PHKA1: variants seen among roughly 807,000 people sequenced by gnomAD.
The protein encoded by PHKA1 is phosphorylase b kinase regulatory subunit alpha, skeletal muscle isoform.
In PHKA1, 60 loss-of-function variants were observed where a neutral mutation model predicts 110.2. That is an observed-to-expected ratio of 0.54 (90% CI 0.44 to 0.68). PHKA1 has a LOEUF of 0.68. Among genes scored for constraint, PHKA1 ranks in the 30% least tolerant of loss-of-function variants. The probability of loss-of-function intolerance (pLI) is 0.00; values close to 1 mark genes in which losing one functional copy is unlikely to be tolerated. For synonymous variants in PHKA1, 316 were observed against 333.6 expected, an observed-to-expected ratio of 0.95 and a Z score of 0.58; for missense variants, 801 against 942.5, an observed-to-expected ratio of 0.85 and a Z score of 1.97.
chrX:72,667,627 A>C (rs1199782168), intron 6 of PHKA1, among the ~76,000 whole-genome samples, 154 bp from the exon 7 acceptor site: 3 of 112,198 alleles, frequency 2.7e-5, no homozygotes, highest in African/African-American at 6.5e-5. Flanking sequence ...TTCCCAGGGC[A>C]TTCTGAGTTT....
intron 23 of PHKA1, among the ~76,000 whole-genome samples, chrX:72,607,065 G>A (rs1285110301): frequency 4.5e-5 from 5 of 110,782 alleles, no homozygotes; most frequent in Non-Finnish European, 1.9e-5. Context: ...CATTTTTTTT[G>A]TGTCTGAATA....
chrX:72,630,610 G>A (rs1556286770), intron 16 of PHKA1, among the ~76,000 whole-genome samples: 1 of 109,500 alleles, frequency 9.1e-6, no homozygotes, highest in Non-Finnish European at 1.9e-5. Context: ...AAAATGTTGT[G>A]TCACTTCCCT....
intron 16 of PHKA1, among the ~76,000 whole-genome samples, chrX:72,633,751 C>T (rs1258344552): frequency 6.3e-5 from 7 of 111,887 alleles, no homozygotes; most frequent in Admixed American, 1.9e-4. Flanking sequence ...TCATATTACT[C>T]CTTGCTCAAA....
Position 72,676,110 on chromosome X carries a change from C to G in PHKA1, c.578G>C (p.Gly193Ala). 8.3e-7 allele frequency: 1 copy of G among 1,210,161 alleles called. No homozygotes were observed. The highest frequency in any genetic ancestry group is 1.1e-6 in the Non-Finnish European group (1 of 894,514). The stretch of plus-strand genomic sequence containing the variant: ...TGAACTGGCATTCAACTCTGAGATC[C>G]CTTGGTTGGTCTTGTCTCCACGTTC... ...IWERGDKTNQ[G>A]ISELNASSVG... The change falls in exon 6 of 32, where the codon GGG becomes GCG. Residue 193 changes from glycine to alanine, a missense_variant. By Grantham distance (60) the Gly-to-Ala change is moderately conservative (BLOSUM62 0). Coordinates refer to ENST00000373542, the MANE Select transcript of PHKA1 (RefSeq NM_002637.4).
intron 4 of PHKA1, among the ~76,000 whole-genome samples, chrX:72,695,254 AG>A (rs1366516828): frequency 8.9e-6 from 1 of 111,913 alleles, no homozygotes; most frequent in Non-Finnish European, 1.9e-5. Context: ...CCCCCAATTT[AG>A]GAAAAATAAA....
intron 4 of PHKA1, among the ~76,000 whole-genome samples, chrX:72,687,939 G>A (rs1556319485): frequency 9.3e-6 from 1 of 107,255 alleles, no homozygotes; most frequent in African/African-American, 3.4e-5. Flanking sequence ...TGATTCTCCT[G>A]TCTCAGCCTC....
intron 18 of PHKA1, chrX:72,622,803 C>A: frequency 1.3e-6 from 1 of 752,394 alleles, no homozygotes. Flanking sequence ...CTTGATTAAT[C>A]ATCTCTCACT....
At position 72,646,814 on chromosome X, in the gene PHKA1, G is replaced by T. The variant is rs1375704299; in HGVS notation, c.1325-2318C>A. Among the ~76,000 whole-genome samples, 3 of 111,091 alleles carry T rather than the reference G, an allele frequency of 2.7e-5. No individual in the cohort carries two copies. The Admixed American group carries it at 2.9e-4, about 11-fold the overall frequency. ...ACAGAGAATAAACTGATAGACTGTA[G>T]TAAGACAGAGAGACCAGCTAAAAAG... On this transcript the variant is annotated intron_variant, in intron 13 of 31. Coordinates refer to ENST00000373542, the MANE Select transcript of PHKA1 (RefSeq NM_002637.4).
At chrX:72,673,788 TA>T (rs2053737439) in intron 6 of PHKA1, among the ~76,000 whole-genome samples, 1 of 111,258 alleles carries the variant, frequency 9.0e-6, no homozygotes, top group Admixed American at 9.5e-5. Flanking sequence ...AAGGGCAATT[TA>T]TTTTTTTTTT....
intron 2 of PHKA1, among the ~76,000 whole-genome samples, chrX:72,711,063 G>A (rs1045525775): frequency 1.9e-5 from 2 of 106,754 alleles, no homozygotes; most frequent in South Asian, 4.1e-4. Context: ...GGGTTTCACC[G>A]TGTTAGCCAG....
intron 8 of PHKA1, 135 bp downstream of exon 8, chrX:72,666,016 G>T: frequency 1.6e-6 from 1 of 634,112 alleles, no homozygotes; most frequent in South Asian, 2.9e-5. Flanking sequence ...ACTTTTAAAA[G>T]AAACTATAAA....
At chrX:72,598,899 C>A (rs2052624104) in intron 28 of PHKA1, among the ~76,000 whole-genome samples, 1 of 111,089 alleles carries the variant, frequency 9.0e-6, no homozygotes, top group African/African-American at 3.3e-5. Context: ...AAAGAGCCCC[C>A]AAACATTTCT....
At position 72,667,434 on chromosome X, in the gene PHKA1, C is replaced by T. The variant is rs782762826; in HGVS notation, c.658G>A (p.Val220Met). 7.3e-5 allele frequency: 88 copies of T among 1,210,735 alleles called. No homozygotes were observed. The highest frequency in any genetic ancestry group is 9.5e-5 in the Non-Finnish European group (85 of 894,559). The part of the protein sequence containing the change: ...EALDELDLFG[V>M]KGGPQSVIHV... ...ATAACTGATTGAGGCCCACCTTTCA[C>T]ACCAAACAGATCCAGTTCATCTAAT... Residue 220 changes from valine to methionine, a missense_variant, in exon 7 of 32, where the codon GTG (valine) becomes ATG (methionine). Val to Met is a conservative substitution (Grantham distance 21). This residue lies in a region of PHKA1 where 299 missense variants were observed against 423.3 expected (regional missense o/e 0.71). Coordinates refer to ENST00000373542, the MANE Select transcript of PHKA1 (RefSeq NM_002637.4).
chrX:72,655,703 G>A (rs1000851269), intron 10 of PHKA1, among the ~76,000 whole-genome samples: 24 of 110,310 alleles, frequency 2.2e-4, no homozygotes, highest in Middle Eastern at 4.7e-3. Flanking sequence ...GCTCACTGCA[G>A]GCTCCGCCTC....
chrX:72,697,657 G>A (rs12388373), intron 3 of PHKA1, among the ~76,000 whole-genome samples: 6 of 109,615 alleles, frequency 5.5e-5, no homozygotes, highest in African/African-American at 2.0e-4. Context: ...CTACACTTGG[G>A]TTTTTAAGGA....
rs531273784 is a variant in PHKA1 at position 72,619,989 on chromosome X, C to A, written c.2138-684G>T. On this transcript the variant is annotated intron_variant, in intron 19 of 31. Transcript: ENST00000373542. Reference sequence around the variant, plus strand: ...TTTCATCTCTTCATATAAGCCCTTTCTCGAGGAAGCATACTCAGAGGGTAT... The same window carrying A: ...TTTCATCTCTTCATATAAGCCCTTTATCGAGGAAGCATACTCAGAGGGTAT... Among the ~76,000 whole-genome samples the A allele has an allele frequency of 8.0e-5, 9 of 111,931 alleles. No homozygotes were observed. In the South Asian group the frequency reaches 3.4e-3, roughly 43 times the overall value.
intron 23 of PHKA1, among the ~76,000 whole-genome samples, chrX:72,606,442 A>T (rs782631619): frequency 1.8e-5 from 2 of 111,380 alleles, no homozygotes; most frequent in Non-Finnish European, 3.8e-5. Context: ...TGGGGCATGA[A>T]CCATGCCATC....
chrX:72,584,335 A>C (rs782197193), intron 29 of PHKA1, 33 bp from the exon 30 acceptor site: 42 of 1,157,185 alleles, frequency 3.6e-5, no homozygotes, highest in Non-Finnish European at 4.6e-5. Context: ...TATCACCAAA[A>C]ACCATATCAC....
intron 21 of PHKA1, among the ~76,000 whole-genome samples, chrX:72,615,382 T>A (rs1232796398): frequency 9.0e-6 from 1 of 111,602 alleles, no homozygotes; most frequent in Non-Finnish European, 1.9e-5. Flanking sequence ...ATTACTTACA[T>A]CTTTAGTATG....
Sources: allele counts gnomAD v4.1 joint callset (sites outside exome capture counted in the v4.1 genomes callset), GRCh38; gene constraint gnomAD v4.1.1; regional missense constraint gnomAD v4.1.1; transcripts MANE v1.5; gene names NCBI Gene and HGNC (gene_info 2026-07-23, HGNC 2026-07-21).